The following MINDY4 variants were observed in gnomAD, a reference collection of about 807,000 sequenced individuals.
MINDY4 encodes MINDY lysine 48 deubiquitinase 4, also known as probable ubiquitin carboxyl-terminal hydrolase MINDY-4.
In MINDY4, 68 loss-of-function variants were observed where a neutral mutation model predicts 87.0. That is an observed-to-expected ratio of 0.78 (90% CI 0.64 to 0.96). MINDY4 has a LOEUF of 0.96. MINDY4 is among the 40% of genes least tolerant of loss of function. MINDY4 has a pLI of 0.00. For synonymous variants in MINDY4, 379 were observed against 363.2 expected (o/e 1.04, Z -0.50); for missense variants, 919 against 928.2 (o/e 0.99, Z 0.13).
At chr7:30,850,589 CA>C in intron 10 of MINDY4, 34 bp downstream of exon 10, 1 of 1,560,094 alleles carries the variant, frequency 6.4e-7, no homozygotes, top group Non-Finnish European at 8.7e-7. Flanking sequence ...TGCCGTGGCT[CA>C]TCGTCTGCTG....
At chr7:30,875,332 G>A (rs960368043) in intron 14 of MINDY4, among the ~76,000 whole-genome samples, 163 bp from the exon 15 acceptor site, 8 of 152,212 alleles carry the variant, frequency 5.3e-5, no homozygotes, top group African/African-American at 1.9e-4. Flanking sequence ...CTTTCCCACA[G>A]GACTTGTGGG....
At chr7:30,786,709 C>T (rs1168522308) in intron 4 of MINDY4, 2 of 149,814 alleles carry the variant, frequency 1.3e-5, no homozygotes, top group Non-Finnish European at 3.0e-5. Flanking sequence ...GCTAAACCCC[C>T]CAAGCCTTAT....
At chr7:30,826,149 T>C (rs10243139) in intron 5 of MINDY4, among the ~76,000 whole-genome samples, 32,670 of 152,188 alleles carry the variant, frequency 0.21, 5,368 homozygotes, top group African/African-American at 0.44. Context: ...ATAATTTCCT[T>C]GTCTAAAGAT....
rs1175371815 is a variant in MINDY4 at position 30,791,453 on chromosome 7, G to T, written c.952G>T (p.Gly318Cys). 6.2e-7 allele frequency: 1 copy of T among 1,614,100 alleles called. No individual in the cohort carries two copies. The highest frequency in any genetic ancestry group is 8.5e-7 in the Non-Finnish European group (1 of 1,180,020). ...DPSEDTPAVD[G>C]STDTDRMPLK... is the part of the protein sequence containing the mutation. ...CTCCGAGGACACCCCAGCAGTGGACGGCAGCACAGACACGGACAGGATGCC... is the reference window on the plus strand; with the variant it reads ...CTCCGAGGACACCCCAGCAGTGGACTGCAGCACAGACACGGACAGGATGCC... Residue 318 changes from glycine (G) to cysteine (C), a missense_variant, in exon 5 of 18, where the codon GGC (glycine) becomes TGC (cysteine). Gly to Cys is a radical substitution (Grantham distance 159, BLOSUM62 -3). Transcript: ENST00000265299.
intron 14 of MINDY4, among the ~76,000 whole-genome samples, chr7:30,873,832 C>T (rs1790181194): frequency 6.6e-6 from 1 of 152,192 alleles, no homozygotes; most frequent in Non-Finnish European, 1.5e-5. Flanking sequence ...CCTTTCTCAG[C>T]AGCTGCTGCC....
intron 12 of MINDY4, among the ~76,000 whole-genome samples, chr7:30,855,555 G>T (rs1420631645): frequency 1.3e-5 from 2 of 152,238 alleles, no homozygotes; most frequent in Non-Finnish European, 2.9e-5. Flanking sequence ...GCCTGAGGGT[G>T]ATTGCTCAAA....
intron 15 of MINDY4, among the ~76,000 whole-genome samples, chr7:30,880,302 A>G (rs1036306682): frequency 1.4e-5 from 1 of 72,024 alleles, no homozygotes; most frequent in African/African-American, 4.1e-5. Flanking sequence ...CCTCCCCCGC[A>G]CCCCCCCCCA....
chr7:30,849,482 A>C (rs1179024113), intron 9 of MINDY4, among the ~76,000 whole-genome samples: 1 of 152,200 alleles, frequency 6.6e-6, no homozygotes, highest in Non-Finnish European at 1.5e-5. Flanking sequence ...CTTCCCTCTC[A>C]TTCAGTTCAG....
intron 17 of MINDY4, among the ~76,000 whole-genome samples, chr7:30,885,511 T>G (rs1232079841): frequency 6.6e-6 from 1 of 152,100 alleles, no homozygotes; most frequent in Non-Finnish European, 1.5e-5. Flanking sequence ...AAACTCCGTC[T>G]CAAAAAAACA....
At chr7:30,841,997 G>A (rs193209016) in intron 9 of MINDY4, among the ~76,000 whole-genome samples, 249 of 152,268 alleles carry the variant, frequency 1.6e-3, no homozygotes, top group African/African-American at 5.8e-3. Context: ...TGTTCACTAG[G>A]AGAGCCATCC....
chr7:30,891,892 A>G (rs968752120), intron 17 of MINDY4, 65 bp from the exon 18 acceptor site: 1 of 1,534,396 alleles, frequency 6.5e-7, no homozygotes, highest in Non-Finnish European at 9.0e-7. Context: ...GAGGCAAGAG[A>G]TGGGCTCTCA....
intron 9 of MINDY4, among the ~76,000 whole-genome samples, chr7:30,848,235 C>G (rs1584310336): frequency 6.6e-6 from 1 of 152,220 alleles, no homozygotes; most frequent in East Asian, 1.9e-4. Context: ...TTGGGGAACA[C>G]TGGTCACACC....
chr7:30,838,065 CCTGCTGGT>C (rs1422799508), intron 7 of MINDY4, among the ~76,000 whole-genome samples: 4 of 152,162 alleles, frequency 2.6e-5, no homozygotes, highest in African/African-American at 7.2e-5. Context: ...GTAGAATCCA[CCTGCTGGT>C]CTTGGGGCTC....
rs570250316 is a variant in MINDY4, at chr7:30,887,151, G to A, written c.2225+4158G>A. ...TCCCTCAGCTACCCCCACTCCCTGC[G>A]GAACCTCCCGTTCAGCTTCCATGCT... On this transcript the variant is annotated intron_variant, in intron 17 of 17. Coordinates refer to ENST00000265299, the MANE Select transcript of MINDY4 (RefSeq NM_032222.3). Among the ~76,000 whole-genome samples the A allele has an allele frequency of 1.4e-4, 22 of 152,224 alleles. No homozygotes were observed. In the East Asian group the frequency reaches 3.5e-3, roughly 24 times the overall value.
intron 17 of MINDY4, among the ~76,000 whole-genome samples, chr7:30,887,377 C>T (rs886950676): frequency 6.6e-6 from 1 of 152,214 alleles, no homozygotes; most frequent in Non-Finnish European, 1.5e-5. Context: ...CTTAGTTTCC[C>T]CATCTGTCCC....
chr7:30,795,340 C>T (rs1265924473), intron 5 of MINDY4, among the ~76,000 whole-genome samples: 2 of 152,184 alleles, frequency 1.3e-5, no homozygotes, highest in African/African-American at 4.8e-5. Context: ...GAGTTTTATC[C>T]TCCCTTAGGA....
At chr7:30,853,605 G>C in intron 12 of MINDY4, 146 bp downstream of exon 12, 4 of 733,444 alleles carry the variant, frequency 5.5e-6, no homozygotes, top group South Asian at 4.8e-5. Flanking sequence ...GCTGGCCCCT[G>C]GTTGGGGGCT....
intron 17 of MINDY4, among the ~76,000 whole-genome samples, chr7:30,889,823 C>G (rs543144983): frequency 1.3e-5 from 2 of 152,202 alleles, no homozygotes; most frequent in South Asian, 4.1e-4. Context: ...TTATCATATA[C>G]CTCTTGTCAC....
intron 13 of MINDY4, among the ~76,000 whole-genome samples, chr7:30,864,046 G>C (rs578088171): frequency 6.6e-6 from 1 of 152,352 alleles, no homozygotes; most frequent in South Asian, 2.1e-4. Flanking sequence ...CCAGGTCATT[G>C]AGGCCCTGAG....
Sources: allele counts gnomAD v4.1 joint callset (sites outside exome capture counted in the v4.1 genomes callset), GRCh38; gene constraint gnomAD v4.1.1; transcripts MANE v1.5; gene names NCBI Gene and HGNC (gene_info 2026-07-23, HGNC 2026-07-21).